Variants in NHLH2 observed in about 807,000 individuals in gnomAD.
The protein encoded by NHLH2 is nescient helix-loop-helix 2.
NHLH2 carries 7 observed loss-of-function variants against 7.3 expected under a neutral mutation model. The ratio of observed to expected loss-of-function variants is 0.96; its 90% CI spans 0.55 to 1.81. The LOEUF (loss-of-function observed/expected upper bound fraction) is 1.81, where lower values mean the gene tolerates loss of function less well. Ranked by LOEUF, NHLH2 falls within the 40% of genes most tolerant of loss-of-function variation. The pLI is 0.00. For missense variants in NHLH2, 155 were observed against 194.0 expected, an observed-to-expected ratio of 0.80 and a Z score of 1.19; for synonymous variants, 93 against 91.6, an observed-to-expected ratio of 1.01 and a Z score of -0.09.
In NHLH2 at chr1:115,840,502, G is replaced by C. The variant is rs1309821613; in HGVS notation, c.-295C>G. 2 of 166,832 alleles carry C rather than the reference G, an allele frequency of 1.2e-5. No homozygotes were observed. The highest frequency in any genetic ancestry group is 4.8e-5 in the African/African-American group (2 of 41,368). 10.3% of individuals were successfully genotyped at this position (166,832 alleles called of 1,614,324 possible). A position where few individuals can be genotyped will look rare whatever the true frequency, so the allele number is the denominator to read the frequency against. On this transcript the variant is annotated 5_prime_UTR_variant, in exon 2 of 3. In the 5' UTR this introduces an upstream ATG that the reference lacks. Coordinates refer to ENST00000320238, the MANE Select transcript of NHLH2 (RefSeq NM_005599.3). ...AAATTCGTTGATGATTTTTTTAAAC[G>C]ATGTGTTGAAAAGTCTCGTGCCTTT... is the stretch of plus-strand genomic sequence containing the variant.
rs559787705 is a variant in NHLH2 at position 115,837,793 on chromosome 1, C to T, written c.*172G>A. Reference sequence around the variant, plus strand: ...CCTGCCTGCGTCGGAAACCTTCCCTCGTCGCCCTGCTGACCAGAGAGAACA... The same window carrying T: ...CCTGCCTGCGTCGGAAACCTTCCCTTGTCGCCCTGCTGACCAGAGAGAACA... On this transcript the variant is annotated 3_prime_UTR_variant, in exon 3 of 3. Coordinates refer to ENST00000320238, the MANE Select transcript of NHLH2 (RefSeq NM_005599.3). 2 of 703,878 alleles carry T rather than the reference C, an allele frequency of 2.8e-6. No homozygotes were observed. Among genetic ancestry groups the T allele is most frequent in the East Asian group, 3.3e-5 (1 of 30,250 alleles). 43.6% of individuals were successfully genotyped at this position (703,878 alleles called of 1,614,324 possible). A position where few individuals can be genotyped will look rare whatever the true frequency, so the allele number is the denominator to read the frequency against.
chr1:115,832,958 A>C (rs1396187290), downstream of NHLH2, among the ~76,000 whole-genome samples: 2 of 152,186 alleles, frequency 1.3e-5, no homozygotes, highest in African/African-American at 2.4e-5. Context: ...GAAGTGAGGA[A>C]ACCGAGTTTG....
chr1:115,835,587 G>A (rs975997968), downstream of NHLH2, among the ~76,000 whole-genome samples: 3 of 152,190 alleles, frequency 2.0e-5, no homozygotes, highest in African/African-American at 7.2e-5. Flanking sequence ...AGACACCTGG[G>A]TGAAAAGTGA....
chr1:115,840,152 A>G (rs1251946851), intron 2 of NHLH2, 64 bp downstream of exon 2: 3 of 167,054 alleles, frequency 1.8e-5, no homozygotes, highest in Non-Finnish European at 2.9e-5. Context: ...AACTGCATCT[A>G]TAGATACAGT....
downstream of NHLH2, among the ~76,000 whole-genome samples, chr1:115,833,529 T>C (rs1650799313): frequency 6.6e-6 from 1 of 152,110 alleles, no homozygotes; most frequent in Admixed American, 6.5e-5. Flanking sequence ...AAAGGACAAC[T>C]CTAGAGGATG....
At position 115,838,298 on chromosome 1, in the gene NHLH2, G is replaced by A. The variant is rs766590445; in HGVS notation, c.75C>T (p.Gly25=). Residue 25 remains glycine, a synonymous_variant, in exon 3 of 3, where the codon GGC becomes GGT. Transcript: ENST00000320238. Reference sequence around the variant, plus strand: ...TGCCGAGCACCTTGGTGTCCGTGCCGCCCAGGGACTCCGGATCCGAGTGCG... The same window carrying A: ...TGCCGAGCACCTTGGTGTCCGTGCCACCCAGGGACTCCGGATCCGAGTGCG... ...SSAHSDPESL[G]GTDTKVLGSV... 5 of 1,608,700 alleles carry A rather than the reference G, an allele frequency of 3.1e-6. No homozygotes were observed. Among genetic ancestry groups the A allele is most frequent in the Non-Finnish European group, 4.2e-6 (5 of 1,179,134 alleles).
Position 115,838,316 on chromosome 1 carries a change from C to T in NHLH2, c.57G>A (p.Ser19=). ...CCGTGCCGCCCAGGGACTCCGGATC[C>T]GAGTGCGCCGAGCTGGGATGGTCCG... ...ADSDHPSSAH[S]DPESLGGTDT... The change falls in exon 3 of 3, where the codon TCG becomes TCA. Residue 19 remains serine (S), a synonymous_variant. Transcript: ENST00000320238. 1 of 1,609,464 alleles carries T rather than the reference C, an allele frequency of 6.2e-7. No individual in the cohort carries two copies. Among genetic ancestry groups the T allele is most frequent in the Non-Finnish European group, 8.5e-7 (1 of 1,179,370 alleles).
At chr1:115,833,374 C>A (rs1325642234), downstream of NHLH2, among the ~76,000 whole-genome samples, 3 of 152,210 alleles carry the variant, frequency 2.0e-5, no homozygotes, top group Non-Finnish European at 4.4e-5. Context: ...CCACTGGTCC[C>A]ATTGGTTGGG....
chr1:115,833,485 G>A (rs1007893861), downstream of NHLH2, among the ~76,000 whole-genome samples: 8 of 152,164 alleles, frequency 5.3e-5, no homozygotes, highest in African/African-American at 1.7e-4. Context: ...CACCAAGGGG[G>A]GTGGTGTGTG....
In NHLH2 at chr1:115,837,087, T is replaced by C. The variant is rs1650891923; in HGVS notation, c.*878A>G. The C allele has an allele frequency of 6.6e-6, 1 of 152,424 alleles. No individual in the cohort carries two copies. Among genetic ancestry groups the C allele is most frequent in the African/African-American group, 2.4e-5 (1 of 41,444 alleles). 9.4% of individuals were successfully genotyped at this position (152,424 alleles called of 1,614,324 possible). On this transcript the variant is annotated 3_prime_UTR_variant, in exon 3 of 3. Coordinates refer to ENST00000320238, the MANE Select transcript of NHLH2 (RefSeq NM_005599.3). Reference sequence around the variant, plus strand: ...GCACAGAGTATCCAAAGTAAAAGTATCACCACTCTGAAAAATAAATGTCTT... The same window carrying C: ...GCACAGAGTATCCAAAGTAAAAGTACCACCACTCTGAAAAATAAATGTCTT...
In NHLH2 at chr1:115,836,426, T is replaced by A. The variant is rs1369534553; in HGVS notation, c.*1539A>T. 6.6e-6 allele frequency: 1 copy of A among 152,538 alleles called. No individual in the cohort carries two copies. Among genetic ancestry groups the A allele is most frequent in the Non-Finnish European group, 1.5e-5 (1 of 68,006 alleles). The allele number at this position is 152,538 out of a possible 1,614,324, so 9.4% of individuals were successfully genotyped here. A position where few individuals can be genotyped will look rare whatever the true frequency, so the allele number is the denominator to read the frequency against. On this transcript the variant is annotated 3_prime_UTR_variant, in exon 3 of 3. Coordinates refer to ENST00000320238, the MANE Select transcript of NHLH2 (RefSeq NM_005599.3). ...GCAAAACAGCGCACCATTCATGAGA[T>A]ATGAAAAACTCGTCAGATAGAAACC...
chr1:115,838,015 G>C lies in NHLH2; in HGVS notation c.358C>G (p.Arg120Gly). 6.2e-7 allele frequency: 1 copy of C among 1,610,524 alleles called. No homozygotes were observed. Among genetic ancestry groups the C allele is most frequent in the South Asian group, 1.1e-5 (1 of 90,914 alleles). Residue 120 changes from arginine (R) to glycine (G), a missense_variant, in exon 3 of 3, where the codon CGC becomes GGC. Arg to Gly is a moderately radical substitution (Grantham distance 125). Around this residue, in one of 2 missense-constraint regions of NHLH2, gnomAD observed 64 missense variants for 107.4 expected, o/e 0.60. Coordinates refer to ENST00000320238, the MANE Select transcript of NHLH2 (RefSeq NM_005599.3). ...TAGGAGATGTAGCAGATGGCCAGGC[G>C]CAGGATCTCGATCTTGGAGAGCTTC... is the stretch of plus-strand genomic sequence containing the variant. The part of the protein sequence containing the change: ...DKKLSKIEIL[R>G]LAICYISYLN...
downstream of NHLH2, among the ~76,000 whole-genome samples, chr1:115,834,109 G>A (rs751012897): frequency 3.3e-5 from 5 of 152,022 alleles, no homozygotes; most frequent in Admixed American, 1.3e-4. Context: ...CTCCTCAGTC[G>A]GCCCTTCCTT....
chr1:115,838,745 A>T (rs1403020344), intron 2 of NHLH2: 1 of 239,558 alleles, frequency 4.2e-6, no homozygotes, highest in Non-Finnish European at 8.5e-6. Context: ...CAACCGCGCT[A>T]TTCCTCCTCC....
rs1453311400 is a variant in NHLH2 at position 115,838,081 on chromosome 1, C to A, written c.292G>T (p.Ala98Ser). The A allele has an allele frequency of 6.2e-7, 1 of 1,608,880 alleles. No individual in the cohort carries two copies. The highest frequency in any genetic ancestry group is 8.5e-7 in the Non-Finnish European group (1 of 1,178,092). ...IRVEAFNLAF[A>S]ELRKLLPTLP... ...GTGGGCAGCAATTTGCGGAGCTCGG[C>A]GAAGGCCAAGTTGAAGGCTTCCACG... is the stretch of plus-strand genomic sequence containing the variant. Residue 98 changes from alanine to serine, a missense_variant, in exon 3 of 3, where the codon GCC becomes TCC. By Grantham distance (99) the Ala-to-Ser change is moderately conservative. Transcript: ENST00000320238.
chr1:115,838,930 G>T (rs1480136337), intron 2 of NHLH2: 2 of 167,480 alleles, frequency 1.2e-5, no homozygotes, highest in African/African-American at 4.8e-5. Context: ...CGCCGGGGGC[G>T]CCTGGCTCTG....
chr1:115,835,617 A>G (rs1355086016), downstream of NHLH2, among the ~76,000 whole-genome samples: 1 of 152,238 alleles, frequency 6.6e-6, no homozygotes, highest in African/African-American at 2.4e-5. Context: ...GCAATCCCAC[A>G]GACATTTTAT....
chr1:115,836,358 TTAAAA>T (rs1391984539), downstream of NHLH2: 5 of 152,402 alleles, frequency 3.3e-5, no homozygotes, highest in Admixed American at 6.5e-5. Context: ...GACAGTGTGC[TTAAAA>T]TAAAAGAGAG....
rs1445113134 is a variant in NHLH2 at position 115,837,746 on chromosome 1, C to CCGGGCTCGCCAGACAACCCCA, written c.*198_*218dup. The stretch of plus-strand genomic sequence containing the variant: ...CCTGGAAAATCCCCCCTGCGAGCCC[C>CCGGGCTCGCCAGACAACCCCA]CGGGCTCGCCAGACAACCCCACCTG... On this transcript the variant is annotated 3_prime_UTR_variant, in exon 3 of 3. Transcript: ENST00000320238. The CCGGGCTCGCCAGACAACCCCA allele has an allele frequency of 1.2e-3, 639 of 547,602 alleles. 2 individuals are homozygous for CCGGGCTCGCCAGACAACCCCA. The highest frequency in any genetic ancestry group is 1.8e-3 in the Non-Finnish European group (576 of 321,222). The allele number at this position is 547,602 out of a possible 1,614,324, so 33.9% of individuals were successfully genotyped here.
Sources: allele counts gnomAD v4.1 joint callset (sites outside exome capture counted in the v4.1 genomes callset), GRCh38; gene constraint gnomAD v4.1.1; regional missense constraint gnomAD v4.1.1; transcripts MANE v1.5; gene names NCBI Gene and HGNC (gene_info 2026-07-23, HGNC 2026-07-21).